TRAK1: variants seen among roughly 807,000 people sequenced by gnomAD.
The protein encoded by TRAK1 is trafficking kinesin-binding protein 1.
TRAK1 carries 33 observed loss-of-function variants against 92.1 expected under a neutral mutation model. That is an observed-to-expected ratio of 0.36 (90% CI 0.27 to 0.48). TRAK1 has a LOEUF of 0.48. Ranked by LOEUF, TRAK1 falls within the 20% of genes least tolerant of loss-of-function variation. The pLI, the probability that TRAK1 is intolerant of heterozygous loss-of-function variation, is 0.99. For missense variants in TRAK1, 1,123 were observed against 1,257.9 expected (o/e 0.89, Z 1.62); for synonymous variants, 521 against 517.3 (o/e 1.01, Z -0.10).
At chr3:42,189,147 G>T in intron 6 of TRAK1, 23 bp downstream of exon 6, 1 of 1,565,704 alleles carries the variant, frequency 6.4e-7, no homozygotes, top group Non-Finnish European at 8.8e-7. Flanking sequence ...CCCTTCTCTT[G>T]CCCCTGCTAG....
At chr3:42,034,799 T>C (rs1702266410) in intron 1 of TRAK1, among the ~76,000 whole-genome samples, 1 of 152,026 alleles carries the variant, frequency 6.6e-6, no homozygotes, top group Non-Finnish European at 1.5e-5. Context: ...TCCTGTTAGG[T>C]GAAGGAGGGG....
intron 1 of TRAK1, among the ~76,000 whole-genome samples, chr3:42,077,109 AT>A (rs1403349452): frequency 1.3e-5 from 2 of 152,152 alleles, no homozygotes; most frequent in African/African-American, 4.8e-5. Flanking sequence ...TGCTTTGGCT[AT>A]TTGGGCTTTT....
At position 42,121,760 on chromosome 3, in the gene TRAK1, T is replaced by A. The variant is rs186028996; in HGVS notation, c.92-3660T>A. The stretch of plus-strand genomic sequence containing the variant: ...CCTAATTCTTTGGGCCTTTAAAGCA[T>A]CTGAAAATTTGCTGCTAATGTTTAT... On this transcript the variant is annotated intron_variant, in intron 1 of 15. Coordinates refer to ENST00000327628, the MANE Select transcript of TRAK1 (RefSeq NM_001042646.3). Among the ~76,000 whole-genome samples the A allele has an allele frequency of 2.9e-3, 442 of 152,290 alleles. 1 individual carries two copies. Among genetic ancestry groups the A allele is most frequent in the Middle Eastern group, 6.8e-3 (2 of 294 alleles).
At chr3:42,219,801 T>G (rs867503936) in intron 15 of TRAK1, among the ~76,000 whole-genome samples, 5,929 of 141,796 alleles carry the variant, frequency 0.042, 520 homozygotes, top group African/African-American at 0.15. Flanking sequence ...TTTTTTTTTT[T>G]TTTTTTTTTT....
At chr3:42,019,740 CA>C (rs1701662687) in intron 1 of TRAK1, among the ~76,000 whole-genome samples, 1 of 152,120 alleles carries the variant, frequency 6.6e-6, no homozygotes, top group Admixed American at 6.6e-5. Context: ...GGGTTTCTAT[CA>C]AATAATTTCC....
chr3:42,223,766 G>A lies in TRAK1; in HGVS notation c.*29G>A. 6.4e-7 allele frequency: 1 copy of A among 1,565,364 alleles called. No individual in the cohort carries two copies. The highest frequency in any genetic ancestry group is 1.8e-5 in the Admixed American group (1 of 56,952). On this transcript the variant is annotated 3_prime_UTR_variant, in exon 16 of 16. Coordinates refer to ENST00000327628, the MANE Select transcript of TRAK1 (RefSeq NM_001042646.3). The surrounding 1 kb of genome is among the most constrained non-coding windows in gnomAD (Gnocchi z 6.1). ...CTGGAGGGGGGCCGGTTGCCCTAGA[G>A]GAGACCCACGTTCTCCTCTCTTGCT...
At chr3:42,083,949 AT>A (rs1704550234), upstream of TRAK1, among the ~76,000 whole-genome samples, 2 of 152,014 alleles carry the variant, frequency 1.3e-5, no homozygotes, top group Non-Finnish European at 2.9e-5. Flanking sequence ...GCATGTAGAG[AT>A]GTGGGGATAC....
intron 14 of TRAK1, 181 bp from the exon 15 acceptor site, chr3:42,219,313 T>C (rs1011681633): frequency 1.0e-6 from 1 of 984,472 alleles, no homozygotes; most frequent in African/African-American, 1.8e-5. Context: ...GTGCTCAAAA[T>C]TGTGGTTATT....
intron 13 of TRAK1, chr3:42,203,494 C>CTTTTTTTTTTT (rs34602604): frequency 1.2e-6 from 1 of 817,176 alleles, no homozygotes; most frequent in Non-Finnish European, 1.4e-6. Context: ...CCTCCTGCCT[C>CTTTTTTTTTTT]TTTTTTTTTT....
rs375873725 is a variant in TRAK1 at position 42,212,261 on chromosome 3, A to T, written c.1963+2276A>T. 2.3e-5 allele frequency: 23 copies of T among 985,380 alleles called. No homozygotes were observed. The East Asian group carries it at 1.5e-3, about 63-fold the overall frequency. The allele number at this position is 985,380 out of a possible 1,614,324, so 61.0% of individuals were successfully genotyped here. A position where few individuals can be genotyped will look rare whatever the true frequency, so the allele number is the denominator to read the frequency against. ...CATGGTGGTCTGGTCCCTGCCTTTT[A>T]ATCCGTCCTCTACGCTTGGGCTTTT... On this transcript the variant is annotated intron_variant, in intron 14 of 15. Transcript: ENST00000327628.
rs747671459 is a variant in TRAK1, at chr3:42,223,496, T to C, written c.2621T>C (p.Leu874Pro). Residue 874 changes from leucine to proline, a missense_variant, in exon 16 of 16, where the codon CTC becomes CCC. By Grantham distance (98) the Leu-to-Pro change is moderately conservative. Coordinates refer to ENST00000327628, the MANE Select transcript of TRAK1 (RefSeq NM_001042646.3). This position sits in a 1 kb window ranked among gnomAD's most constrained non-coding sequence, Gnocchi z 6.1. The stretch of plus-strand genomic sequence containing the variant: ...TTGACTGAGGAGCAGGGACCCCTCC[T>C]CTGTGGGCCCCCGGGGCCAGCACCA... ...PTLTEEQGPL[L>P]CGPPGPAPAL... The C allele has an allele frequency of 1.2e-6, 2 of 1,613,554 alleles. No homozygotes were observed. Among genetic ancestry groups the C allele is most frequent in the African/African-American group, 2.7e-5 (2 of 74,920 alleles).
intron 1 of TRAK1, among the ~76,000 whole-genome samples, chr3:42,121,285 A>G (rs1328168960): frequency 8.9e-5 from 11 of 123,290 alleles, no homozygotes; most frequent in East Asian, 2.3e-4. Flanking sequence ...TTTGAGACGG[A>G]GTCTTGCTGT....
chr3:42,123,139 C>T (rs1710109933), intron 1 of TRAK1, among the ~76,000 whole-genome samples: 1 of 152,180 alleles, frequency 6.6e-6, no homozygotes, highest in Non-Finnish European at 1.5e-5. Flanking sequence ...CAGGTGTTCT[C>T]AGTGGGCTCC....
In TRAK1 at chr3:42,202,765, G is replaced by A; in HGVS notation, c.1744+13G>A. On this transcript the variant is annotated intron_variant, in intron 13 of 15. Transcript: ENST00000327628. The surrounding 1 kb of genome is among the most constrained non-coding windows in gnomAD (Gnocchi z 6.1). ...AAGCCGCTGGAAGGTGATCACGCGG[G>A]GCCTCGGCCCCTCTCTGTCCTCCTG... 1 of 1,612,954 alleles carries A rather than the reference G, an allele frequency of 6.2e-7. No individual in the cohort carries two copies.
At chr3:42,198,102 C>G (rs538749548) in intron 10 of TRAK1, among the ~76,000 whole-genome samples, 1 of 152,280 alleles carries the variant, frequency 6.6e-6, no homozygotes, top group African/African-American at 2.4e-5. Context: ...TTCAGGTTAT[C>G]CTCCATGGAT....
intron 4 of TRAK1, 128 bp from the exon 5 acceptor site, chr3:42,187,917 A>G: frequency 1.3e-6 from 1 of 771,418 alleles, no homozygotes; most frequent in Non-Finnish European, 2.2e-6. Flanking sequence ...ATCAGTTTAA[A>G]TGCTTTCACT....
chr3:42,017,616 G>A (rs1241354221), intron 1 of TRAK1, among the ~76,000 whole-genome samples: 1 of 152,224 alleles, frequency 6.6e-6, no homozygotes, highest in East Asian at 1.9e-4. Flanking sequence ...GTAAATAATT[G>A]CATATGTGTA....
intron 2 of TRAK1, among the ~76,000 whole-genome samples, chr3:42,143,099 G>T (rs562529585): frequency 6.6e-6 from 1 of 152,154 alleles, no homozygotes; most frequent in Non-Finnish European, 1.5e-5. Flanking sequence ...TGGATTGGAG[G>T]GCTGTCCTTG....
intron 1 of TRAK1, among the ~76,000 whole-genome samples, chr3:42,095,912 G>A (rs150921536): frequency 6.6e-6 from 1 of 152,336 alleles, no homozygotes; most frequent in Admixed American, 6.5e-5. Context: ...TTATAAAAGA[G>A]GTTTTGGAGA....
Sources: gnomAD v4.1 joint callset for allele counts (sites outside exome capture counted in the v4.1 genomes callset) on GRCh38, gnomAD v4.1.1 for gene constraint, Gnocchi (gnomAD v3.1) non-coding constraint, MANE v1.5 for transcripts, NCBI Gene and HGNC (gene_info 2026-07-23, HGNC 2026-07-21) for gene names.